Variants in BIRC6 observed in about 807,000 individuals in gnomAD.
The protein encoded by BIRC6 is baculoviral IAP repeat containing 6, also known as dual E2 ubiquitin-conjugating enzyme/E3 ubiquitin-protein ligase BIRC6.
Under a neutral mutation model 503.3 loss-of-function variants are expected in BIRC6, and 98 were observed. The observed-to-expected ratio is 0.19, with a 90% CI of 0.17 to 0.23. The LOEUF is 0.23. BIRC6 is among the 10% of genes least tolerant of loss of function. The pLI is 1.00. For synonymous variants in BIRC6, 2,240 were observed against 2,078.7 expected (o/e 1.08, Z -2.11); for missense variants, 5,360 against 5,806.0 (o/e 0.92, Z 2.50).
intron 50 of BIRC6, 131 bp from the exon 51 acceptor site, chr2:32,507,849 T>C (rs2053965568): frequency 5.3e-6 from 4 of 757,210 alleles, no homozygotes; most frequent in Non-Finnish European, 8.0e-6. Flanking sequence ...TATATTTTGT[T>C]GTATAAGTTT....
At chr2:32,410,707 T>C (rs2041765502) in intron 9 of BIRC6, among the ~76,000 whole-genome samples, 1 of 151,394 alleles carries the variant, frequency 6.6e-6, no homozygotes, top group Non-Finnish European at 1.5e-5. Context: ...GCAACTTCTT[T>C]TTTTTTTTTT....
chr2:32,596,358 T>TAACCCCAGC (rs1463559321), intron 68 of BIRC6, among the ~76,000 whole-genome samples: 1 of 150,030 alleles, frequency 6.7e-6, no homozygotes, highest in Non-Finnish European at 1.5e-5. Context: ...CAGGCGCCTG[T>TAACCCCAGC]AACCCCAGCT....
chr2:32,498,204 G>T (rs1226862999), intron 45 of BIRC6, among the ~76,000 whole-genome samples: 1 of 152,108 alleles, frequency 6.6e-6, no homozygotes, highest in Non-Finnish European at 1.5e-5. Flanking sequence ...TGGGATTACA[G>T]GCTTCTGCTA....
chr2:32,364,761 T>G (rs1350807111), intron 1 of BIRC6, among the ~76,000 whole-genome samples: 1 of 151,388 alleles, frequency 6.6e-6, no homozygotes, highest in East Asian at 1.9e-4. Flanking sequence ...ATCGGGTGTT[T>G]TTTTTTTTTT....
chr2:32,446,771 T>TTTA (rs1491460454), intron 21 of BIRC6, among the ~76,000 whole-genome samples: 25 of 110,718 alleles, frequency 2.3e-4, no homozygotes, highest in Admixed American at 4.8e-4. Flanking sequence ...TTTTTTTTTT[T>TTTA]ATTGATCATT....
At chr2:32,425,431 ATTCT>A (rs2043374561) in intron 10 of BIRC6, among the ~76,000 whole-genome samples, 1 of 142,490 alleles carries the variant, frequency 7.0e-6, no homozygotes, top group African/African-American at 2.6e-5. Flanking sequence ...CTTTCTGGTA[ATTCT>A]TTTTTTTTTT....
chr2:32,582,756 A>T (rs2060763466), intron 66 of BIRC6, among the ~76,000 whole-genome samples: 1 of 152,088 alleles, frequency 6.6e-6, no homozygotes, highest in South Asian at 2.1e-4. Flanking sequence ...ACTCTGTCTC[A>T]AAAACAAACA....
At chr2:32,531,968 G>A (rs943516843) in intron 61 of BIRC6, among the ~76,000 whole-genome samples, 5 of 152,056 alleles carry the variant, frequency 3.3e-5, no homozygotes, top group Non-Finnish European at 7.4e-5. Context: ...ATTTTTGGTG[G>A]TTTAAAAACA....
chr2:32,532,860 G>A (rs1467750061), intron 61 of BIRC6, among the ~76,000 whole-genome samples: 2 of 151,942 alleles, frequency 1.3e-5, no homozygotes, highest in Non-Finnish European at 2.9e-5. Context: ...TATTCAGTGT[G>A]GTTCACTATA....
chr2:32,580,289 C>T (rs1028103672), intron 66 of BIRC6, among the ~76,000 whole-genome samples: 2 of 152,082 alleles, frequency 1.3e-5, no homozygotes, highest in Non-Finnish European at 2.9e-5. Flanking sequence ...TAGTATCTGA[C>T]ATATTAGTAG....
At position 32,482,589 on chromosome 2, in the gene BIRC6, G is replaced by T. The variant is rs2050527080; in HGVS notation, c.7696+7G>T. On this transcript the variant is annotated splice_region_variant and intron_variant, in intron 39 of 73. Coordinates refer to ENST00000421745, the MANE Select transcript of BIRC6 (RefSeq NM_016252.4). The stretch of plus-strand genomic sequence containing the variant: ...AGCGTTTCAGTCTCTCAGGGTAAGT[G>T]TATGTTTATATTTTAAGACATATGC... 1.2e-6 allele frequency: 2 copies of T among 1,613,304 alleles called. No individual in the cohort carries two copies. The highest frequency in any genetic ancestry group is 2.7e-5 in the African/African-American group (2 of 74,884).
chr2:32,442,556 G>A, intron 19 of BIRC6, 101 bp downstream of exon 19: 1 of 1,270,916 alleles, frequency 7.9e-7, no homozygotes, highest in Non-Finnish European at 1.0e-6. Flanking sequence ...TTTAATGTAT[G>A]TATAATTTAA....
At chr2:32,407,876 A>T (rs2041413374) in intron 9 of BIRC6, among the ~76,000 whole-genome samples, 1 of 152,172 alleles carries the variant, frequency 6.6e-6, no homozygotes, top group African/African-American at 2.4e-5. Flanking sequence ...TTCTTTTAAA[A>T]AAACATAGAC....
intron 66 of BIRC6, among the ~76,000 whole-genome samples, chr2:32,584,815 C>G (rs772546784): frequency 6.6e-6 from 1 of 152,138 alleles, no homozygotes; most frequent in Non-Finnish European, 1.5e-5. Flanking sequence ...TTAGTATTCA[C>G]CCATCAAGGA....
In BIRC6 at chr2:32,433,651, T is replaced by C. The variant is rs767094372; in HGVS notation, c.3256T>C (p.Trp1086Arg). 13 of 1,553,930 alleles carry C rather than the reference T, an allele frequency of 8.4e-6. No homozygotes were observed. The Admixed American group carries it at 2.2e-4, about 26-fold the overall frequency. ...TWKLQTDSNSWDEHVFELVLP... is the reference protein window; with the variant it reads ...TWKLQTDSNSRDEHVFELVLP... ...TTTCCCCTTATTTGACAGCAACAGC[T>C]GGGATGAACATGTATTTGAATTAGT... is the stretch of plus-strand genomic sequence containing the variant. The change falls in exon 13 of 74, where the codon TGG becomes CGG. Residue 1086 changes from tryptophan (W) to arginine (R), a missense_variant. This residue lies in a region of BIRC6 where 2,299 missense variants were observed against 2,267.2 expected (regional missense o/e 1.01). Transcript: ENST00000421745.
chr2:32,420,161 T>C (rs182304493), intron 10 of BIRC6, among the ~76,000 whole-genome samples: 175 of 152,354 alleles, frequency 1.1e-3, no homozygotes, highest in African/African-American at 3.7e-3. Context: ...TTGTAATCTT[T>C]CTTTTTTAGT....
chr2:32,370,061 TACAC>T (rs71820292), intron 1 of BIRC6, among the ~76,000 whole-genome samples: 17 of 140,940 alleles, frequency 1.2e-4, no homozygotes, highest in East Asian at 6.2e-4. Flanking sequence ...TGTGTATGTA[TACAC>T]ACACACACAC....
At chr2:32,575,737 C>T (rs1391511868) in intron 66 of BIRC6, among the ~76,000 whole-genome samples, 2 of 151,842 alleles carry the variant, frequency 1.3e-5, no homozygotes, top group Non-Finnish European at 2.9e-5. Flanking sequence ...TGCACTCCAG[C>T]CTGGGTGACA....
At chr2:32,401,848 A>G (rs950787769) in intron 8 of BIRC6, among the ~76,000 whole-genome samples, 1 of 152,246 alleles carries the variant, frequency 6.6e-6, no homozygotes. Flanking sequence ...ATCACAATCT[A>G]TGTCAATTGG....
Sources: gnomAD v4.1 joint callset for allele counts (sites outside exome capture counted in the v4.1 genomes callset) on GRCh38, gnomAD v4.1.1 for gene constraint, gnomAD v4.1.1 regional missense constraint, MANE v1.5 for transcripts, NCBI Gene and HGNC (gene_info 2026-07-23, HGNC 2026-07-21) for gene names.